Variants in KDM4C observed in about 807,000 individuals in gnomAD.
KDM4C encodes lysine-specific demethylase 4C.
Under a neutral mutation model 129.3 loss-of-function variants are expected in KDM4C, and 81 were observed. The observed-to-expected ratio is 0.63, with a 90% CI of 0.52 to 0.75. The LOEUF is 0.75. KDM4C is among the 30% of genes least tolerant of loss of function. KDM4C has a pLI of 0.00. For synonymous variants in KDM4C, 573 were observed against 456.1 expected, an observed-to-expected ratio of 1.26 and a Z score of -3.26; for missense variants, 1,457 against 1,304.0, an observed-to-expected ratio of 1.12 and a Z score of -1.81.
At chr9:7,060,236 T>C (rs1831434939) in intron 17 of KDM4C, among the ~76,000 whole-genome samples, 1 of 151,514 alleles carries the variant, frequency 6.6e-6, no homozygotes. Context: ...TTTCTTCTTC[T>C]TACTGGCAAG....
At chr9:7,127,202 C>T (rs7871016) in intron 18 of KDM4C, among the ~76,000 whole-genome samples, 62,656 of 151,986 alleles carry the variant, frequency 0.41, 13,453 homozygotes, top group Middle Eastern at 0.53. Context: ...CAAAACTCAA[C>T]GGACACTAAT....
chr9:6,949,347 C>T lies in KDM4C; in HGVS notation c.922-31578C>T, dbSNP rs540680828. Among the ~76,000 whole-genome samples, 723 of 151,396 alleles carry T rather than the reference C, an allele frequency of 4.8e-3. 4 individuals carry two copies. Among genetic ancestry groups the T allele is most frequent in the Non-Finnish European group, 8.3e-3 (566 of 67,810 alleles). On this transcript the variant is annotated intron_variant, in intron 8 of 21. Coordinates refer to ENST00000381309, the MANE Select transcript of KDM4C (RefSeq NM_015061.6). The stretch of plus-strand genomic sequence containing the variant: ...AGACGGGATGGCGGCCGGGAAGAGG[C>T]GCTCCTCACTTCCCAGACTGGGCAG...
At chr9:7,008,512 G>C (rs1354797120) in intron 12 of KDM4C, among the ~76,000 whole-genome samples, 1 of 152,178 alleles carries the variant, frequency 6.6e-6, no homozygotes, top group Non-Finnish European at 1.5e-5. Flanking sequence ...ATGTAGAGCA[G>C]CACTTGTGGA....
chr9:6,802,563 C>G (rs1053058913), intron 2 of KDM4C, among the ~76,000 whole-genome samples: 3 of 152,122 alleles, frequency 2.0e-5, no homozygotes, highest in Non-Finnish European at 2.9e-5. Context: ...ATTTATAAGA[C>G]AAAATACTGA....
At chr9:6,796,592 C>G (rs1277376798) in intron 2 of KDM4C, among the ~76,000 whole-genome samples, 1 of 152,174 alleles carries the variant, frequency 6.6e-6, no homozygotes, top group Non-Finnish European at 1.5e-5. Flanking sequence ...ACAGAGCACA[C>G]CTGCGTCGCT....
intron 19 of KDM4C, among the ~76,000 whole-genome samples, chr9:7,152,669 T>A (rs1233612772): frequency 3.3e-5 from 5 of 152,176 alleles, no homozygotes; most frequent in African/African-American, 1.2e-4. Context: ...AAATTTACAA[T>A]TGAATGTGGT....
At chr9:6,851,205 C>T (rs1838785079) in intron 5 of KDM4C, among the ~76,000 whole-genome samples, 1 of 152,102 alleles carries the variant, frequency 6.6e-6, no homozygotes, top group Admixed American at 6.5e-5. Flanking sequence ...TGCTGACCTC[C>T]TGGGCTCAAG....
upstream of KDM4C, among the ~76,000 whole-genome samples, chr9:6,755,922 T>G (rs1433751131): frequency 1.3e-5 from 2 of 152,188 alleles, no homozygotes; most frequent in Non-Finnish European, 2.9e-5. Flanking sequence ...ACATTTTACA[T>G]TATCTTCCTT....
At chr9:6,893,036 G>T in intron 7 of KDM4C, 59 bp from the exon 8 acceptor site, 1 of 1,245,288 alleles carries the variant, frequency 8.0e-7, no homozygotes, top group Non-Finnish European at 1.1e-6. Flanking sequence ...TATTTTAATT[G>T]TATTCATAAT....
chr9:6,726,699 C>T (rs1159242033), intron 1 of KDM4C: 2 of 152,242 alleles, frequency 1.3e-5, no homozygotes, highest in East Asian at 3.9e-4. Flanking sequence ...GTTTGCACTA[C>T]TAAAAGAATT....
At chr9:7,030,824 A>G (rs1471008380) in intron 15 of KDM4C, among the ~76,000 whole-genome samples, 10 of 152,184 alleles carry the variant, frequency 6.6e-5, no homozygotes, top group Non-Finnish European at 1.0e-4. Context: ...ATAGTTTTGG[A>G]TGACTATTGC....
chr9:7,134,682 C>T (rs12236272), intron 19 of KDM4C, among the ~76,000 whole-genome samples: 35,235 of 151,942 alleles, frequency 0.23, 4,228 homozygotes, highest in East Asian at 0.42. Context: ...TACATAAGAT[C>T]GATAGATAAG....
At chr9:7,092,826 C>T (rs1835959505) in intron 17 of KDM4C, among the ~76,000 whole-genome samples, 1 of 152,086 alleles carries the variant, frequency 6.6e-6, no homozygotes, top group African/African-American at 2.4e-5. Context: ...TTCTTGCACA[C>T]ATCTGCTTGG....
chr9:7,055,236 T>C (rs8181075), intron 17 of KDM4C, among the ~76,000 whole-genome samples: 8,471 of 152,306 alleles, frequency 0.056, 385 homozygotes, highest in East Asian at 0.18. Flanking sequence ...GCATCCGTCC[T>C]CACAGTGGTG....
intron 4 of KDM4C, among the ~76,000 whole-genome samples, chr9:6,845,679 G>T (rs144808556): frequency 4.7e-4 from 71 of 152,284 alleles, no homozygotes; most frequent in African/African-American, 1.5e-3. Context: ...TAAAGGAATG[G>T]GGCAGGACAG....
At chr9:7,149,555 C>T (rs566561902) in intron 19 of KDM4C, among the ~76,000 whole-genome samples, 34 of 152,366 alleles carry the variant, frequency 2.2e-4, no homozygotes, top group Non-Finnish European at 3.5e-4. Context: ...ATGCCTCCCT[C>T]GCTGCAGCTG....
chr9:6,934,550 A>T (rs1291972476), intron 8 of KDM4C, among the ~76,000 whole-genome samples: 17 of 148,570 alleles, frequency 1.1e-4, no homozygotes, highest in East Asian at 5.9e-4. Flanking sequence ...TTTTTTTGAG[A>T]TGGAGTCTCG....
At chr9:6,787,339 T>C (rs1588259865) in intron 1 of KDM4C, among the ~76,000 whole-genome samples, 1 of 152,198 alleles carries the variant, frequency 6.6e-6, no homozygotes, top group South Asian at 2.1e-4. Context: ...TTCAAGTGAG[T>C]CTTGTGCCTC....
At chr9:6,894,047 G>A (rs757703440) in intron 8 of KDM4C, among the ~76,000 whole-genome samples, 1 of 152,030 alleles carries the variant, frequency 6.6e-6, no homozygotes, top group African/African-American at 2.4e-5. Context: ...GATAAATAAA[G>A]CGTATGTGGT....
Sources: allele counts gnomAD v4.1 joint callset (sites outside exome capture counted in the v4.1 genomes callset), GRCh38; gene constraint gnomAD v4.1.1; transcripts MANE v1.5; gene names NCBI Gene and HGNC (gene_info 2026-07-23, HGNC 2026-07-21).